PTPRN2: variants seen among roughly 807,000 people sequenced by gnomAD.
PTPRN2 encodes the protein receptor-type tyrosine-protein phosphatase N2.
In PTPRN2, 74 loss-of-function variants were observed where a neutral mutation model predicts 118.8. That is an observed-to-expected ratio of 0.62 (90% CI 0.52 to 0.76). The LOEUF is 0.76. Among genes scored for constraint, PTPRN2 ranks in the 30% least tolerant of loss-of-function variants. The pLI is 0.00. For missense variants in PTPRN2, 1,481 were observed against 1,394.4 expected (o/e 1.06, Z -0.99); for synonymous variants, 641 against 608.0 (o/e 1.05, Z -0.80).
chr7:158,194,152 TGTGA>T lies in PTPRN2; in HGVS notation c.381-1661_381-1658del, dbSNP rs369754966. On this transcript the variant is annotated intron_variant, in intron 4 of 22. Transcript: ENST00000389418. The stretch of plus-strand genomic sequence containing the variant: ...GTGTGTGAGTTTGTGTAAGTGTGTG[TGTGA>T]GTGTGTGAGGGGTGTGAGTGCGTGT... 7.5e-3 allele frequency among the ~76,000 whole-genome samples: 1,116 copies of T among 149,306 alleles called. 4 individuals carry two copies. Among genetic ancestry groups the T allele is most frequent in the African/African-American group, 1.0e-2 (388 of 38,894 alleles).
chr7:157,580,975 AGCCCCTGCACACC>A (rs1800345494), intron 17 of PTPRN2, among the ~76,000 whole-genome samples: 1 of 118,786 alleles, frequency 8.4e-6, no homozygotes, highest in Admixed American at 9.2e-5. Context: ...TGCACACCGC[AGCCCCTGCACACC>A]CCAGCACCTG....
chr7:158,157,718 C>G (rs1430767975), intron 6 of PTPRN2, among the ~76,000 whole-genome samples: 1 of 152,084 alleles, frequency 6.6e-6, no homozygotes, highest in African/African-American at 2.4e-5. Context: ...TGAGACGAAC[C>G]CTGTTCCCGC....
intron 21 of PTPRN2, 98 bp downstream of exon 21, chr7:157,568,803 AT>A: frequency 7.7e-7 from 1 of 1,305,910 alleles, no homozygotes; most frequent in Non-Finnish European, 1.1e-6. Context: ...CAAGCAGCGA[AT>A]TTTTTCCAGG....
rs9770472 is a variant in PTPRN2, at chr7:157,648,362, A to G, written c.2196+7995T>C. Reference sequence around the variant, plus strand: ...CACTGTGCACTGAACTCGGTGGGTCAGACCCATCCAGTGTGCACTGAACTC... The same window carrying G: ...CACTGTGCACTGAACTCGGTGGGTCGGACCCATCCAGTGTGCACTGAACTC... On this transcript the variant is annotated intron_variant, in intron 14 of 22. Transcript: ENST00000389418. Among the ~76,000 whole-genome samples the G allele has an allele frequency of 2.2e-3, 138 of 62,286 alleles. 7 individuals are homozygous for G. Among genetic ancestry groups the G allele is most frequent in the African/African-American group, 7.4e-3 (126 of 17,092 alleles). The allele number at this position is 62,286 out of a possible 152,430, so 40.9% of individuals were successfully genotyped here. A position where few individuals can be genotyped will look rare whatever the true frequency, so the allele number is the denominator to read the frequency against.
chr7:158,519,256 C>A (rs569582922), intron 1 of PTPRN2, among the ~76,000 whole-genome samples: 25 of 152,324 alleles, frequency 1.6e-4, no homozygotes, highest in Admixed American at 8.5e-4. Context: ...TCCCTTAGTG[C>A]TGACACTGTC....
chr7:158,007,005 C>A (rs1306477362), intron 11 of PTPRN2, among the ~76,000 whole-genome samples: 1 of 152,154 alleles, frequency 6.6e-6, no homozygotes, highest in Non-Finnish European at 1.5e-5. Flanking sequence ...GTTCTGGGGG[C>A]TGAAGTCTGA....
In PTPRN2 at chr7:157,576,655, C is replaced by T. The variant is rs774586737; in HGVS notation, c.2741G>A (p.Arg914Gln). The change falls in exon 19 of 23, where the codon CGA becomes CAA. Residue 914 changes from arginine (R) to glutamine (Q), a missense_variant. By Grantham distance (43) the Arg-to-Gln change is conservative. Around this residue, in one of 3 missense-constraint regions of PTPRN2, gnomAD observed 362 missense variants for 384.1 expected, o/e 0.94. Transcript: ENST00000389418. ...TQFHFLSWYD[R>Q]GVPSSSRSLL... ...GGACCTTGAGGAGGAAGGGACTCCT[C>T]GGTCATACCAACTCAGGAAGTGGAA... 1.7e-5 allele frequency: 28 copies of T among 1,612,690 alleles called. No individual in the cohort carries two copies. Among genetic ancestry groups the T allele is most frequent in the South Asian group, 1.3e-4 (12 of 90,688 alleles).
chr7:158,026,449 T>C (rs1379367650), intron 11 of PTPRN2, among the ~76,000 whole-genome samples: 1 of 152,194 alleles, frequency 6.6e-6, no homozygotes, highest in Non-Finnish European at 1.5e-5. Context: ...CCGGACAGCA[T>C]GGCGTGGATT....
chr7:158,226,687 TTTTTC>T (rs55728274), intron 3 of PTPRN2, among the ~76,000 whole-genome samples: 45,104 of 140,344 alleles, frequency 0.32, 7,183 homozygotes, highest in African/African-American at 0.42. Context: ...TTTTTTTTTT[TTTTTC>T]CGGTGGTATC....
chr7:157,716,036 C>T (rs1324251510), intron 12 of PTPRN2, among the ~76,000 whole-genome samples: 10 of 152,252 alleles, frequency 6.6e-5, no homozygotes, highest in Non-Finnish European at 1.5e-5. Context: ...GGATGGGAAC[C>T]AAAACCTTTG....
At chr7:158,521,996 C>CA (rs1378470613) in intron 1 of PTPRN2, among the ~76,000 whole-genome samples, 2 of 88,146 alleles carry the variant, frequency 2.3e-5, no homozygotes, top group Non-Finnish European at 4.5e-5. Context: ...GGTGCTGGCT[C>CA]GGGAGGGAGG....
intron 9 of PTPRN2, among the ~76,000 whole-genome samples, chr7:158,132,107 TACAC>T (rs892708128): frequency 3.7e-5 from 5 of 134,118 alleles, no homozygotes; most frequent in African/African-American, 1.2e-4. Flanking sequence ...TATGCACAGA[TACAC>T]ACACCTATCC....
chr7:158,375,307 T>C lies in PTPRN2; in HGVS notation c.164-58375A>G, dbSNP rs141879323. Among the ~76,000 whole-genome samples the C allele has an allele frequency of 7.2e-3, 1,096 of 152,282 alleles. 11 individuals carry two copies. Among genetic ancestry groups the C allele is most frequent in the African/African-American group, 0.025 (1,043 of 41,556 alleles). Reference sequence around the variant, plus strand: ...CTCATTTAGTCCCTCATTCAGCAAATGTTTACAGAGTACCCAGGACACAGG... The same window carrying C: ...CTCATTTAGTCCCTCATTCAGCAAACGTTTACAGAGTACCCAGGACACAGG... On this transcript the variant is annotated intron_variant, in intron 2 of 22. Coordinates refer to ENST00000389418, the MANE Select transcript of PTPRN2 (RefSeq NM_002847.5).
chr7:157,921,210 T>A (rs150617575), intron 11 of PTPRN2, among the ~76,000 whole-genome samples: 9 of 152,174 alleles, frequency 5.9e-5, no homozygotes, highest in Non-Finnish European at 1.3e-4. Flanking sequence ...TCTTGCTAAG[T>A]GAAAGAAGCC....
chr7:158,522,433 A>G (rs1245419375), intron 1 of PTPRN2, among the ~76,000 whole-genome samples: 1 of 151,710 alleles, frequency 6.6e-6, no homozygotes, highest in African/African-American at 2.4e-5. Flanking sequence ...GGGAAGGTCC[A>G]CATCGGAATG....
intron 12 of PTPRN2, among the ~76,000 whole-genome samples, chr7:157,725,581 C>G (rs369079155): frequency 1.0e-3 from 127 of 127,326 alleles, no homozygotes; most frequent in Middle Eastern, 5.7e-3. Context: ...GCCAGACCCT[C>G]GCCTCCCAGG....
At chr7:158,238,866 G>A (rs1795729297) in intron 3 of PTPRN2, among the ~76,000 whole-genome samples, 1 of 152,166 alleles carries the variant, frequency 6.6e-6, no homozygotes, top group Non-Finnish European at 1.5e-5. Context: ...CCCTGACACG[G>A]TGGCTACAAG....
At chr7:158,059,589 C>A (rs1810145260) in intron 11 of PTPRN2, among the ~76,000 whole-genome samples, 1 of 118,564 alleles carries the variant, frequency 8.4e-6, no homozygotes, top group Non-Finnish European at 1.7e-5. Context: ...TGACACATCA[C>A]TGCAGCCACA....
intron 11 of PTPRN2, among the ~76,000 whole-genome samples, chr7:157,907,986 G>T (rs1044536610): frequency 6.6e-6 from 1 of 152,140 alleles, no homozygotes; most frequent in African/African-American, 2.4e-5. Flanking sequence ...TCTGTCCCCC[G>T]TGACCCCAGC....
Sources: allele counts gnomAD v4.1 joint callset (sites outside exome capture counted in the v4.1 genomes callset), GRCh38; gene constraint gnomAD v4.1.1; regional missense constraint gnomAD v4.1.1; transcripts MANE v1.5; gene names NCBI Gene and HGNC (gene_info 2026-07-23, HGNC 2026-07-21).